The following LMBR1L variants were observed in gnomAD, a reference collection of about 807,000 sequenced individuals.
The protein encoded by LMBR1L is protein LMBR1L.
In LMBR1L, 47 loss-of-function variants were observed where a neutral mutation model predicts 67.3. The observed-to-expected ratio is 0.70, with a 90% CI of 0.55 to 0.89. The LOEUF (loss-of-function observed/expected upper bound fraction) is 0.89. Ranked by LOEUF, LMBR1L falls within the 40% of genes least tolerant of loss-of-function variation. The pLI is 0.00. For missense variants in LMBR1L, 533 were observed against 599.2 expected, an observed-to-expected ratio of 0.89 and a Z score of 1.15; for synonymous variants, 247 against 250.3, an observed-to-expected ratio of 0.99 and a Z score of 0.13.
chr12:49,103,659 G>A, intron 6 of LMBR1L, 28 bp downstream of exon 6: 1 of 1,596,686 alleles, frequency 6.3e-7, no homozygotes, highest in Non-Finnish European at 8.5e-7. Context: ...GAAAAGCCAT[G>A]CAGCCTGGAG....
chr12:49,106,000 G>C (rs749535838), intron 2 of LMBR1L, 43 bp from the exon 3 acceptor site: 4 of 1,583,990 alleles, frequency 2.5e-6, no homozygotes, highest in Non-Finnish European at 3.5e-6. Context: ...GAGGACATCA[G>C]GGGGCAGCTC....
intron 3 of LMBR1L, 89 bp from the exon 4 acceptor site, chr12:49,104,974 G>T: frequency 7.0e-7 from 1 of 1,418,840 alleles, no homozygotes. Context: ...GGGCGCCTGT[G>T]GCTTCCAGAA....
At chr12:49,098,978 CTTTTTTTTTTTTT>C (rs757291862) in intron 15 of LMBR1L, among the ~76,000 whole-genome samples, 1 of 138,276 alleles carries the variant, frequency 7.2e-6, no homozygotes, top group Non-Finnish European at 1.6e-5. Context: ...ATTAAAAACA[CTTTTTTTTTTTTT>C]TTTGGTAGAG....
Position 49,098,086 on chromosome 12 carries a change from C to T in LMBR1L, c.1260G>A (p.Leu420=). The T allele has an allele frequency of 3.7e-6, 6 of 1,613,886 alleles. No individual in the cohort carries two copies. The highest frequency in any genetic ancestry group is 5.1e-6 in the Non-Finnish European group (6 of 1,179,834). The change falls in exon 16 of 17, where the codon CTG becomes CTA. Residue 420 remains leucine (L), a synonymous_variant. Transcript: ENST00000267102. ...AGTTGAAGCGTCCAAAGTCACCCAG[C>T]AGGTCAAAGCGAGTGAGCCCTGAAG... ...SRTLGLTRFD[L]LGDFGRFNWL...
At chr12:49,110,300 A>C (rs1941401953) in intron 1 of LMBR1L, 184 bp downstream of exon 1, 2 of 626,570 alleles carry the variant, frequency 3.2e-6, no homozygotes, top group Non-Finnish European at 5.7e-6. Flanking sequence ...TCGCTCAGGG[A>C]CCCAGCTGAT....
intron 5 of LMBR1L, chr12:49,104,121 GAATGGAAGGTAGAAA>G: frequency 2.1e-6 from 1 of 478,950 alleles, no homozygotes; most frequent in Non-Finnish European, 3.7e-6. Context: ...TCCAACAGGA[GAATGGAAGGTAGAAA>G]AAAGGTGAGG....
Position 49,098,079 on chromosome 12 carries a change from C to T in LMBR1L, c.1267G>A (p.Asp423Asn). The part of the protein sequence containing the change: ...LGLTRFDLLG[D>N]FGRFNWLGNF... ...CCCAGCCAGTTGAAGCGTCCAAAGT[C>T]ACCCAGCAGGTCAAAGCGAGTGAGC... The change falls in exon 16 of 17, where the codon GAC becomes AAC. Residue 423 changes from aspartate (D) to asparagine (N), a missense_variant. Asp to Asn is a conservative substitution (Grantham distance 23). Transcript: ENST00000267102. 6.2e-7 allele frequency: 1 copy of T among 1,614,086 alleles called. No homozygotes were observed. The highest frequency in any genetic ancestry group is 1.1e-5 in the South Asian group (1 of 91,070).
At chr12:49,104,228 G>C (rs1473222123) in intron 5 of LMBR1L, 1 of 565,572 alleles carries the variant, frequency 1.8e-6, no homozygotes, top group Non-Finnish European at 3.1e-6. Context: ...CTCCTCTCTG[G>C]GCAGCTTCAC....
In LMBR1L at chr12:49,110,779, T is replaced by G. The variant is rs901144565; in HGVS notation, c.-224A>C. On this transcript the variant is annotated 5_prime_UTR_variant, in exon 1 of 17. Transcript: ENST00000267102. ...GTTTTAAAGGGCTCTGTCCTCCCTT[T>G]GCTCCCCACTCTTTAAGGTCGGGTC... 1.8e-6 allele frequency: 1 copy of G among 564,404 alleles called. No homozygotes were observed. The allele number at this position is 564,404 out of a possible 1,614,324, so 35.0% of individuals were successfully genotyped here.
intron 11 of LMBR1L, 199 bp from the exon 12 acceptor site, chr12:49,101,748 T>C: frequency 1.7e-6 from 1 of 589,090 alleles, no homozygotes; most frequent in East Asian, 2.8e-5. Flanking sequence ...CTCCTCTAGA[T>C]GGAAGGATTG....
At chr12:49,106,347 GA>G (rs1317690489) in intron 2 of LMBR1L, 2 of 372,296 alleles carry the variant, frequency 5.4e-6, no homozygotes, top group Non-Finnish European at 1.0e-5. Flanking sequence ...GATTCACACA[GA>G]AAGTCCCCAG....
chr12:49,106,507 A>C, intron 2 of LMBR1L: 1 of 1,136,706 alleles, frequency 8.8e-7, no homozygotes, highest in African/African-American at 1.6e-5. Context: ...CGATCTGAGC[A>C]TACTCAGGCT....
chr12:49,103,751 T>C lies in LMBR1L; in HGVS notation c.498A>G (p.Leu166=), dbSNP rs1940526274. ...VMLMLLTLLV[L]GMVWVASAIV... is the part of the protein sequence containing the mutation. ...TGGCTGATGCCACCCACACCATACC[T>C]AGCACCAGCAGAGTGAGGAGCATCA... is the stretch of plus-strand genomic sequence containing the variant. The change falls in exon 6 of 17, where the codon CTA becomes CTG. Residue 166 remains leucine, a synonymous_variant. Transcript: ENST00000267102. The C allele has an allele frequency of 1.2e-6, 2 of 1,614,034 alleles. No individual in the cohort carries two copies. Among genetic ancestry groups the C allele is most frequent in the Non-Finnish European group, 1.7e-6 (2 of 1,179,990 alleles).
chr12:49,104,609 G>GCT, intron 4 of LMBR1L, 58 bp from the exon 5 acceptor site: 9 of 1,562,042 alleles, frequency 5.8e-6, no homozygotes, highest in Non-Finnish European at 7.9e-6. Flanking sequence ...ACCCACAGGA[G>GCT]ACTGACCATT....
chr12:49,109,901 A>C (rs768249601), intron 1 of LMBR1L: 7 of 402,468 alleles, frequency 1.7e-5, no homozygotes, highest in Middle Eastern at 3.6e-4. Context: ...TTTCAAACAA[A>C]CACCAATGAG....
intron 1 of LMBR1L, chr12:49,109,873 G>A (rs1338117325): frequency 9.9e-6 from 4 of 405,412 alleles, no homozygotes; most frequent in Non-Finnish European, 2.0e-5. Context: ...GAGAGGCTGG[G>A]AACCCAGCCT....
chr12:49,110,819 A>G lies in LMBR1L; in HGVS notation c.-264T>C, dbSNP rs1941465321. ...AAGGTCGGGTCGCGCTCACGTTTCA[A>G]TGCAAACACCCGCCACTAGGCTCGC... On this transcript the variant is annotated 5_prime_UTR_variant, in exon 1 of 17. Transcript: ENST00000267102. 3 of 494,408 alleles carry G rather than the reference A, an allele frequency of 6.1e-6. No homozygotes were observed. Among genetic ancestry groups the G allele is most frequent in the Admixed American group, 3.4e-5 (1 of 29,534 alleles). The allele number at this position is 494,408 out of a possible 1,614,324, so 30.6% of individuals were successfully genotyped here.
Position 49,102,122 on chromosome 12 carries a change from T to TCGA in LMBR1L, c.927_928insTCG (p.Leu309_Thr310insSer). 1 of 1,613,924 alleles carries TCGA rather than the reference T, an allele frequency of 6.2e-7. No individual in the cohort carries two copies. The highest frequency in any genetic ancestry group is 1.7e-5 in the Admixed American group (1 of 60,022). ...ACCTCTAGGGCTGGTATACCTACCG[T>TCGA]CAGCACCAGCAAGCACAGCATAGCC... is the stretch of plus-strand genomic sequence containing the variant. On this transcript the variant is annotated inframe_insertion, in exon 11 of 17. Coordinates refer to ENST00000267102, the MANE Select transcript of LMBR1L (RefSeq NM_018113.4).
Position 49,104,761 on chromosome 12 carries a change from C to G in LMBR1L, c.316G>C (p.Gly106Arg), listed in dbSNP as rs747160614. The G allele has an allele frequency of 6.2e-7, 1 of 1,613,468 alleles. No homozygotes were observed. Residue 106 changes from glycine to arginine, a missense_variant, in exon 4 of 17, where the codon GGC becomes CGC. Transcript: ENST00000267102. ...PRNYYIQWLN[G>R]SLIHGLWNLV... ...AGCCACACACCATGGATGAGGGAGC[C>G]GTTGAGCCACTGGATGTAGTAGTTC...
Sources: allele counts gnomAD v4.1 joint callset (sites outside exome capture counted in the v4.1 genomes callset), GRCh38; gene constraint gnomAD v4.1.1; transcripts MANE v1.5; gene names NCBI Gene and HGNC (gene_info 2026-07-23, HGNC 2026-07-21).